Variants in CYB5RL observed in about 807,000 individuals in gnomAD.
The protein encoded by CYB5RL is NADH-cytochrome b5 reductase-like.
Under a neutral mutation model 37.5 loss-of-function variants are expected in CYB5RL, and 38 were observed. That is an observed-to-expected ratio of 1.01 (90% CI 0.78 to 1.33). The LOEUF (loss-of-function observed/expected upper bound fraction) is 1.33, where lower values mean the gene tolerates loss of function less well. CYB5RL is among the 40% of genes most tolerant of loss of function. The probability of loss-of-function intolerance (pLI) is 0.00; values close to 1 mark genes in which losing one functional copy is unlikely to be tolerated. For synonymous variants in CYB5RL, 141 were observed against 151.9 expected (o/e 0.93, Z 0.53); for missense variants, 388 against 394.4 (o/e 0.98, Z 0.14).
chr1:54,174,685 G>C lies in CYB5RL; in HGVS notation c.882C>G (p.Phe294Leu). 6.2e-7 allele frequency: 1 copy of C among 1,613,592 alleles called. No individual in the cohort carries two copies. Among genetic ancestry groups the C allele is most frequent in the South Asian group, 1.1e-5 (1 of 90,940 alleles). The change falls in exon 8 of 8, where the codon TTC becomes TTG. Residue 294 changes from phenylalanine (F) to leucine (L), a missense_variant. Phe to Leu is a conservative substitution (Grantham distance 22, BLOSUM62 0). Coordinates refer to ENST00000534324, the MANE Select transcript of CYB5RL (RefSeq NM_001031672.4). Reference protein sequence around the residue: ...PFALVCGSAEFTKDIARCLLC... With the variant: ...PFALVCGSAELTKDIARCLLC... ...GTAAGCACCTGGCTATGTCTTTGGT[G>C]AACTCAGCCGAGCCACAGACCAGTG...
At chr1:54,187,949 G>A (rs529867766) in intron 4 of CYB5RL, 10 of 530,486 alleles carry the variant, frequency 1.9e-5, no homozygotes, top group Middle Eastern at 1.0e-3. Flanking sequence ...GGTGGCTCAC[G>A]CCTGTAGTCT....
rs1159754933 is a variant in CYB5RL at position 54,171,438 on chromosome 1, A to C, written c.*3181T>G. 2 of 456,046 alleles carry C rather than the reference A, an allele frequency of 4.4e-6. No homozygotes were observed. The highest frequency in any genetic ancestry group is 1.4e-4 in the East Asian group (2 of 14,380). 28.2% of individuals were successfully genotyped at this position (456,046 alleles called of 1,614,324 possible). A position where few individuals can be genotyped will look rare whatever the true frequency, so the allele number is the denominator to read the frequency against. On this transcript the variant is annotated 3_prime_UTR_variant, in exon 8 of 8. Transcript: ENST00000534324. Reference sequence around the variant, plus strand: ...GAAAACTGGTCTGGTCTCAGCGTGGAGGTGGCATGGAGACTGGGAGCTGGG... The same window carrying C: ...GAAAACTGGTCTGGTCTCAGCGTGGCGGTGGCATGGAGACTGGGAGCTGGG...
In CYB5RL at chr1:54,170,981, G is replaced by A. The variant is rs1348001351; in HGVS notation, c.*3638C>T. On this transcript the variant is annotated 3_prime_UTR_variant, in exon 8 of 8. Transcript: ENST00000534324. ...TTATCGCTCAGGTATTCGACATCCA[G>A]GAAGTGCTGAGCATCCTCCCCTGTT... 8.2e-6 allele frequency: 3 copies of A among 365,778 alleles called. No individual in the cohort carries two copies. Among genetic ancestry groups the A allele is most frequent in the East Asian group, 1.5e-4 (2 of 13,526 alleles). The allele number at this position is 365,778 out of a possible 1,614,324, so 22.7% of individuals were successfully genotyped here.
rs949421901 is a variant in CYB5RL at position 54,195,693 on chromosome 1, G to A, written c.-77C>T. 5.5e-5 allele frequency: 82 copies of A among 1,480,028 alleles called. No individual in the cohort carries two copies. The highest frequency in any genetic ancestry group is 4.8e-4 in the Middle Eastern group (2 of 4,204). The allele number at this position is 1,480,028 out of a possible 1,614,324, so 91.7% of individuals were successfully genotyped here. On this transcript the variant is annotated 5_prime_UTR_variant, in exon 3 of 8. Coordinates refer to ENST00000534324, the MANE Select transcript of CYB5RL (RefSeq NM_001031672.4). ...GGCCAGGCTCTATGAGACCACGGGC[G>A]CAGGCCCTGCTCCTTGGCCAGCCTG...
At chr1:54,189,570 T>C (rs1333265256) in intron 4 of CYB5RL, among the ~76,000 whole-genome samples, 2 of 152,176 alleles carry the variant, frequency 1.3e-5, no homozygotes, top group Non-Finnish European at 2.9e-5. Flanking sequence ...GGGTGCTACA[T>C]TGCCTCCATG....
At chr1:54,198,917 T>C (rs1209011863) in intron 1 of CYB5RL, among the ~76,000 whole-genome samples, 1 of 152,132 alleles carries the variant, frequency 6.6e-6, no homozygotes, top group Non-Finnish European at 1.5e-5. Flanking sequence ...ATTACAGGTG[T>C]GAACGATGAC....
rs373728670 is a variant in CYB5RL at position 54,192,421 on chromosome 1, G to A, written c.199-1525C>T. Among the ~76,000 whole-genome samples the A allele has an allele frequency of 2.9e-4, 44 of 152,106 alleles. No homozygotes were observed. In the East Asian group the frequency reaches 8.5e-3, roughly 29 times the overall value. The stretch of plus-strand genomic sequence containing the variant: ...GCTGGTCTTGAACTCCTGACCTCAG[G>A]TGATCCGCCCACTTTGGCCTCTCAA... On this transcript the variant is annotated intron_variant, in intron 3 of 7. Coordinates refer to ENST00000534324, the MANE Select transcript of CYB5RL (RefSeq NM_001031672.4).
intron 1 of CYB5RL, among the ~76,000 whole-genome samples, chr1:54,198,785 T>C (rs986548561): frequency 1.8e-4 from 27 of 151,896 alleles, no homozygotes; most frequent in African/African-American, 6.5e-4. Flanking sequence ...GTGCGTGCCA[T>C]CACGCCTCGC....
chr1:54,174,923 G>A lies in CYB5RL; in HGVS notation c.745-101C>T, dbSNP rs995951951. 3.8e-6 allele frequency: 5 copies of A among 1,321,720 alleles called. No individual in the cohort carries two copies. The East Asian group carries it at 1.2e-4, about 33-fold the overall frequency. The allele number at this position is 1,321,720 out of a possible 1,614,324, so 81.9% of individuals were successfully genotyped here. On this transcript the variant is annotated intron_variant, in intron 7 of 7. Transcript: ENST00000534324. ...TGCAAAATGAGGAAACCAAGGCAGA[G>A]GGTGTAGGAAGCCAACCTATATCCA...
In CYB5RL at chr1:54,174,800, G is replaced by A. The variant is rs367565690; in HGVS notation, c.767C>T (p.Pro256Leu). ...GTGGGTTTTCTCTTGGTAACTCCAG[G>A]GAAGCTGCTCTGAGGAGCTCTCCTG... ...LSQESSSEQL[P>L]WSYQEKTHFG... Residue 256 changes from proline to leucine, a missense_variant, in exon 8 of 8, where the codon CCC (proline) becomes CTC (leucine). By Grantham distance (98) the Pro-to-Leu change is moderately conservative. Coordinates refer to ENST00000534324, the MANE Select transcript of CYB5RL (RefSeq NM_001031672.4). The A allele has an allele frequency of 1.3e-5, 21 of 1,613,502 alleles. No individual in the cohort carries two copies. Among genetic ancestry groups the A allele is most frequent in the Non-Finnish European group, 1.7e-5 (20 of 1,179,880 alleles).
At chr1:54,183,390 A>G (rs1018716929) in intron 6 of CYB5RL, among the ~76,000 whole-genome samples, 1 of 152,216 alleles carries the variant, frequency 6.6e-6, no homozygotes, top group Non-Finnish European at 1.5e-5. Flanking sequence ...CTCTTGGTAC[A>G]TACTGTCAAA....
In CYB5RL at chr1:54,174,630, A is replaced by C; in HGVS notation, c.937T>G (p.Phe313Val). 6.2e-7 allele frequency: 1 copy of C among 1,609,214 alleles called. No homozygotes were observed. Among genetic ancestry groups the C allele is most frequent in the Non-Finnish European group, 8.5e-7 (1 of 1,177,986 alleles). The change falls in exon 8 of 8, where the codon TTC becomes GTC. Residue 313 changes from phenylalanine to valine, a missense_variant. By Grantham distance (50) the Phe-to-Val change is conservative. Transcript: ENST00000534324. ...AAGAGAGGCCAGGGCTAGAAGAGGA[A>C]ATAGGAGTCCTCAGTGAGGCCTGCG... ...LCAGLTEDSYFLF is the reference protein window; with the variant it reads ...LCAGLTEDSYVLF
chr1:54,171,743 G>A lies in CYB5RL; in HGVS notation c.*2876C>T, dbSNP rs145166640. ...GCCACGCCTCCCACAACACGCAGTG[G>A]GCATCATCAGAGGAACAGCAGCTGA... On this transcript the variant is annotated 3_prime_UTR_variant, in exon 8 of 8. Transcript: ENST00000534324. The A allele has an allele frequency of 2.7e-5, 9 of 331,024 alleles. No homozygotes were observed. The highest frequency in any genetic ancestry group is 1.9e-4 in the African/African-American group (9 of 46,568). The allele number at this position is 331,024 out of a possible 1,614,324, so 20.5% of individuals were successfully genotyped here. A position where few individuals can be genotyped will look rare whatever the true frequency, so the allele number is the denominator to read the frequency against.
chr1:54,187,765 T>C (rs1643915882), intron 4 of CYB5RL, 26 bp from the exon 5 acceptor site: 1 of 1,601,102 alleles, frequency 6.2e-7, no homozygotes, highest in Non-Finnish European at 8.6e-7. Flanking sequence ...GTGCAGTCAG[T>C]CAGCCAGTCA....
At chr1:54,196,002 C>A (rs918602109) in intron 2 of CYB5RL, among the ~76,000 whole-genome samples, 1 of 152,144 alleles carries the variant, frequency 6.6e-6, no homozygotes, top group Non-Finnish European at 1.5e-5. Flanking sequence ...CAGGGTGGGA[C>A]CCCCTTGAGC....
intron 1 of CYB5RL, among the ~76,000 whole-genome samples, chr1:54,197,310 T>TTA (rs1644016506): frequency 7.8e-6 from 1 of 127,994 alleles, no homozygotes. Context: ...TCTTTTTCTT[T>TTA]TCTTTTCTTT....
rs1266570518 is a variant in CYB5RL at position 54,171,136 on chromosome 1, G to A, written c.*3483C>T. The A allele has an allele frequency of 2.2e-6, 1 of 455,812 alleles. No individual in the cohort carries two copies. The highest frequency in any genetic ancestry group is 4.4e-6 in the Non-Finnish European group (1 of 226,782). The allele number at this position is 455,812 out of a possible 1,614,324, so 28.2% of individuals were successfully genotyped here. A position where few individuals can be genotyped will look rare whatever the true frequency, so the allele number is the denominator to read the frequency against. On this transcript the variant is annotated 3_prime_UTR_variant, in exon 8 of 8. Transcript: ENST00000534324. The stretch of plus-strand genomic sequence containing the variant: ...GAAGAGACAGGCGAGGCTCCCGGGA[G>A]GAAGTGACACTGAGCTGAGACCTCA...
chr1:54,181,878 A>G (rs1428727633), intron 6 of CYB5RL, among the ~76,000 whole-genome samples: 1 of 152,226 alleles, frequency 6.6e-6, no homozygotes, highest in East Asian at 1.9e-4. Flanking sequence ...GCTTTAGCCC[A>G]GTAGGTGGAG....
intron 7 of CYB5RL, among the ~76,000 whole-genome samples, chr1:54,177,873 A>G (rs952210249): frequency 3.9e-5 from 6 of 152,176 alleles, no homozygotes; most frequent in Non-Finnish European, 5.9e-5. Context: ...CACCTGCCAC[A>G]TTCTCAGGCG....
Sources: gnomAD v4.1 joint callset for allele counts (sites outside exome capture counted in the v4.1 genomes callset) on GRCh38, gnomAD v4.1.1 for gene constraint, MANE v1.5 for transcripts, NCBI Gene and HGNC (gene_info 2026-07-23, HGNC 2026-07-21) for gene names.